The following DLGAP3 variants were observed in gnomAD, a reference collection of about 807,000 sequenced individuals.
DLGAP3 encodes DLG associated protein 3, also known as disks large-associated protein 3.
A neutral mutation model predicts 81.2 loss-of-function variants in DLGAP3; 17 were observed. That is an observed-to-expected ratio of 0.21 (90% CI 0.14 to 0.31). The LOEUF (loss-of-function observed/expected upper bound fraction) is 0.31. Ranked by LOEUF, DLGAP3 falls within the 10% of genes least tolerant of loss-of-function variation. The pLI is 1.00. For missense variants in DLGAP3, 1,124 were observed against 1,388.0 expected (o/e 0.81, Z 3.02); for synonymous variants, 577 against 587.4 (o/e 0.98, Z 0.26).
rs536365718 is a variant in DLGAP3, at chr1:34,929,117, C to A, written c.-135+334G>T. ...ATCTCCCCAGCACCACGACTTCCCC[C>A]ACAACCAGCTGGCTACTCCCTCCCA... On this transcript the variant is annotated intron_variant, in intron 1 of 11. Transcript: ENST00000373347. This position sits in a 1 kb window ranked among gnomAD's most constrained non-coding sequence, Gnocchi z 6.5. 2.0e-3 allele frequency among the ~76,000 whole-genome samples: 309 copies of A among 152,196 alleles called. 1 individual carries two copies. Among genetic ancestry groups the A allele is most frequent in the African/African-American group, 7.0e-3 (289 of 41,572 alleles).
chr1:34,884,580 G>A (rs545195106), intron 8 of DLGAP3, among the ~76,000 whole-genome samples: 2 of 152,264 alleles, frequency 1.3e-5, no homozygotes, highest in African/African-American at 4.8e-5. Context: ...CAATCTTCCC[G>A]TTTGTTTCTT....
Position 34,868,088 on chromosome 1 carries a change from G to GTGGTA in DLGAP3, c.2486-462_2486-461insTACCA, listed in dbSNP as rs1638914326. ...TCATAGCCACTGTCCCCTCAACTCA[G>GTGGTA]AGATTCTGGGGTAAGACTGTGTCTC... On this transcript the variant is annotated intron_variant, in intron 9 of 11. Coordinates refer to ENST00000373347, the MANE Select transcript of DLGAP3 (RefSeq NM_001080418.3). The surrounding 1 kb of genome is among the most constrained non-coding windows in gnomAD (Gnocchi z 7.5). 6.6e-6 allele frequency among the ~76,000 whole-genome samples: 1 copy of GTGGTA among 152,160 alleles called. No homozygotes were observed. The highest frequency in any genetic ancestry group is 2.4e-5 in the African/African-American group (1 of 41,434).
intron 1 of DLGAP3, among the ~76,000 whole-genome samples, chr1:34,909,076 G>A (rs1410606072): frequency 6.6e-6 from 1 of 152,236 alleles, no homozygotes; most frequent in Non-Finnish European, 1.5e-5. Flanking sequence ...AGGCCACTTT[G>A]GCAGAAGCCC....
intron 1 of DLGAP3, among the ~76,000 whole-genome samples, chr1:34,922,882 T>C (rs775474622): frequency 6.6e-6 from 1 of 152,154 alleles, no homozygotes; most frequent in Non-Finnish European, 1.5e-5. Flanking sequence ...TGGAAAGTTG[T>C]TCCTGTTATC....
At chr1:34,871,939 G>A (rs1250916895) in intron 8 of DLGAP3, among the ~76,000 whole-genome samples, 3 of 152,194 alleles carry the variant, frequency 2.0e-5, no homozygotes, top group Admixed American at 1.3e-4. Context: ...CAGAAGCACA[G>A]TCCTCACCAA....
chr1:34,925,704 G>T (rs1242627812), intron 1 of DLGAP3, among the ~76,000 whole-genome samples: 1 of 152,130 alleles, frequency 6.6e-6, no homozygotes, highest in Non-Finnish European at 1.5e-5. Flanking sequence ...AGACAGTGAG[G>T]GGGGCAGGGG....
At chr1:34,885,435 C>T in intron 7 of DLGAP3, 43 bp downstream of exon 7, 1 of 1,597,244 alleles carries the variant, frequency 6.3e-7, no homozygotes, top group South Asian at 1.1e-5. Context: ...CAGCCCCGAC[C>T]GACCAGGGTC....
chr1:34,904,442 G>T lies in DLGAP3; in HGVS notation c.942C>A (p.Ala314=). The T allele has an allele frequency of 6.2e-7, 1 of 1,614,136 alleles. No individual in the cohort carries two copies. Among genetic ancestry groups the T allele is most frequent in the Non-Finnish European group, 8.5e-7 (1 of 1,180,038 alleles). ...RSGGSEGRCL[A]CTGMSMSLDG... The stretch of plus-strand genomic sequence containing the variant: ...CCAGTGACATGGACATGCCAGTGCA[G>T]GCAAGGCAGCGGCCTTCCGACCCGC... Residue 314 remains alanine, a synonymous_variant, in exon 3 of 12, where the codon GCC becomes GCA. Coordinates refer to ENST00000373347, the MANE Select transcript of DLGAP3 (RefSeq NM_001080418.3). This position sits in a 1 kb window ranked among gnomAD's most constrained non-coding sequence, Gnocchi z 8.1.
chr1:34,915,752 T>C (rs1385662467), intron 1 of DLGAP3, among the ~76,000 whole-genome samples: 2 of 152,204 alleles, frequency 1.3e-5, no homozygotes, highest in Non-Finnish European at 2.9e-5. Context: ...CAAGGATATC[T>C]ATACCTCTGC....
intron 3 of DLGAP3, among the ~76,000 whole-genome samples, chr1:34,901,098 G>A (rs1039552006): frequency 2.3e-4 from 35 of 152,142 alleles, no homozygotes; most frequent in Non-Finnish European, 1.5e-5. Context: ...CTTGAGCTTG[G>A]CATAGAACTG....
chr1:34,921,486 C>A (rs1639796623), intron 1 of DLGAP3, among the ~76,000 whole-genome samples: 1 of 152,182 alleles, frequency 6.6e-6, no homozygotes, highest in Non-Finnish European at 1.5e-5. Context: ...CTCTTTAGGT[C>A]CCCACTCCCT....
At position 34,900,111 on chromosome 1, in the gene DLGAP3, A is replaced by C; in HGVS notation, c.1270T>G (p.Phe424Val). 6.2e-7 allele frequency: 1 copy of C among 1,613,870 alleles called. No homozygotes were observed. Among genetic ancestry groups the C allele is most frequent in the South Asian group, 1.1e-5 (1 of 91,064 alleles). ...ACGCTGGAGGAGCGACGGGTGGTGAAGCGTCGGGCGACTGCTTTGGGAGAT... is the reference window on the plus strand; with the variant it reads ...ACGCTGGAGGAGCGACGGGTGGTGACGCGTCGGGCGACTGCTTTGGGAGAT... ...KTSPKAVARR[F>V]TTRRSSSVDQ... Residue 424 changes from phenylalanine (F) to valine (V), a missense_variant, in exon 4 of 12, where the codon TTC becomes GTC. By Grantham distance (50) the Phe-to-Val change is conservative. This residue lies in a region of DLGAP3 where 357 missense variants were observed against 408.8 expected (regional missense o/e 0.87). Transcript: ENST00000373347. This position sits in a 1 kb window ranked among gnomAD's most constrained non-coding sequence, Gnocchi z 5.6.
In DLGAP3 at chr1:34,867,215, A is replaced by G. The variant is rs1638897956; in HGVS notation, c.2578-24T>C. ...TCCTGCAACAGAGGAAGATGGAGGG[A>G]AAGTGATTGGTCAAGGAGGTCTGAG... On this transcript the variant is annotated intron_variant, in intron 10 of 11. Coordinates refer to ENST00000373347, the MANE Select transcript of DLGAP3 (RefSeq NM_001080418.3). The surrounding 1 kb of genome is among the most constrained non-coding windows in gnomAD (Gnocchi z 4.3). The G allele has an allele frequency of 6.2e-7, 1 of 1,613,790 alleles. No individual in the cohort carries two copies. The highest frequency in any genetic ancestry group is 1.7e-5 in the Admixed American group (1 of 59,996).
intron 1 of DLGAP3, among the ~76,000 whole-genome samples, chr1:34,915,526 G>A (rs1639703320): frequency 6.6e-6 from 1 of 152,168 alleles, no homozygotes; most frequent in African/African-American, 2.4e-5. Flanking sequence ...CAGAGCTTGG[G>A]ACAGCCTCCT....
intron 5 of DLGAP3, among the ~76,000 whole-genome samples, chr1:34,896,220 A>G (rs1161654873): frequency 6.6e-6 from 1 of 152,204 alleles, no homozygotes; most frequent in Non-Finnish European, 1.5e-5. Context: ...TCAGATTTCT[A>G]GCCTCCAGAA....
chr1:34,883,445 A>G (rs1456687763), intron 8 of DLGAP3, among the ~76,000 whole-genome samples: 1 of 152,178 alleles, frequency 6.6e-6, no homozygotes, highest in Non-Finnish European at 1.5e-5. Flanking sequence ...AAGGAACCAA[A>G]AAGCCTCTAA....
chr1:34,911,027 C>CCCG (rs368163353), intron 1 of DLGAP3, among the ~76,000 whole-genome samples: 6 of 150,342 alleles, frequency 4.0e-5, no homozygotes, highest in African/African-American at 1.2e-4. Flanking sequence ...TATCCACCCC[C>CCCG]CCCCCACCAC....
chr1:34,866,280 G>T lies in DLGAP3; in HGVS notation c.2743C>A (p.Pro915Thr). ...EPKEEKKVPP[P>T]IPKKPLRGRG... is the part of the protein sequence containing the mutation. ...CCCCGCAGGGGCTTCTTTGGTATCG[G>T]CGGAGGGACCTTCTTCTCCTCCTGC... Residue 915 changes from proline to threonine, a missense_variant, in exon 12 of 12, where the codon CCG becomes ACG. Pro to Thr is a conservative substitution (Grantham distance 38). Coordinates refer to ENST00000373347, the MANE Select transcript of DLGAP3 (RefSeq NM_001080418.3). The T allele has an allele frequency of 6.5e-7, 1 of 1,535,676 alleles. No individual in the cohort carries two copies. The highest frequency in any genetic ancestry group is 1.2e-5 in the South Asian group (1 of 84,394).
In DLGAP3 at chr1:34,865,900, C is replaced by T; in HGVS notation, c.*183G>A. 2.9e-6 allele frequency: 2 copies of T among 686,388 alleles called. No individual in the cohort carries two copies. Among genetic ancestry groups the T allele is most frequent in the Admixed American group, 2.2e-5 (1 of 46,302 alleles). 42.5% of individuals were successfully genotyped at this position (686,388 alleles called of 1,614,324 possible). ...GGCACGGCCCCCTGCCCAGCCCGGG[C>T]GCCTTCGCGTGGGATCAGGAAGGTA... is the stretch of plus-strand genomic sequence containing the variant. On this transcript the variant is annotated 3_prime_UTR_variant, in exon 12 of 12. Transcript: ENST00000373347.
Sources: gnomAD v4.1 joint callset for allele counts (sites outside exome capture counted in the v4.1 genomes callset) on GRCh38, gnomAD v4.1.1 for gene constraint, gnomAD v4.1.1 regional missense constraint, Gnocchi (gnomAD v3.1) non-coding constraint, MANE v1.5 for transcripts, NCBI Gene and HGNC (gene_info 2026-07-23, HGNC 2026-07-21) for gene names.